EYS: variants seen among roughly 807,000 people sequenced by gnomAD.
The protein encoded by EYS is EGF-like photoreceptor maintenance factor, also known as protein eyes shut homolog.
A neutral mutation model predicts 282.1 loss-of-function variants in EYS; 250 were observed. The ratio of observed to expected loss-of-function variants is 0.89; its 90% CI spans 0.80 to 0.98. The LOEUF (loss-of-function observed/expected upper bound fraction) is 0.98, where lower values mean the gene tolerates loss of function less well. Ranked by LOEUF, EYS falls within the 50% of genes least tolerant of loss-of-function variation. The pLI, the probability that EYS is intolerant of heterozygous loss-of-function variation, is 0.00. For synonymous variants in EYS, 1,355 were observed against 1,282.9 expected (o/e 1.06, Z -1.20); for missense variants, 4,016 against 3,709.0 (o/e 1.08, Z -2.15).
intron 26 of EYS, among the ~76,000 whole-genome samples, chr6:64,516,429 C>T (rs1856157): frequency 0.35 from 53,300 of 151,362 alleles, 9,391 homozygotes; most frequent in East Asian, 0.46. Context: ...AAATCTGCAC[C>T]TGTACCCCTG....
chr6:64,978,069 A>G (rs192027515), intron 14 of EYS, among the ~76,000 whole-genome samples: 10 of 152,134 alleles, frequency 6.6e-5, no homozygotes, highest in Middle Eastern at 6.8e-3. Flanking sequence ...AGGTGACTAC[A>G]CTAAACAACA....
chr6:64,792,552 A>G (rs984704393), intron 22 of EYS, among the ~76,000 whole-genome samples: 2 of 152,104 alleles, frequency 1.3e-5, no homozygotes, highest in African/African-American at 2.4e-5. Context: ...ATTAATTTGG[A>G]GTTCTAATAT....
intron 12 of EYS, among the ~76,000 whole-genome samples, chr6:65,276,962 G>A (rs1279592668): frequency 6.6e-6 from 1 of 152,108 alleles, no homozygotes; most frequent in Non-Finnish European, 1.5e-5. Context: ...ATATAACAAA[G>A]TATTGAAGTA....
intron 24 of EYS, among the ~76,000 whole-genome samples, chr6:64,606,801 G>T (rs920153373): frequency 1.3e-5 from 2 of 152,012 alleles, no homozygotes; most frequent in Non-Finnish European, 2.9e-5. Flanking sequence ...AAGTGCAAAT[G>T]ACATGAAAAC....
intron 12 of EYS, among the ~76,000 whole-genome samples, chr6:65,142,006 A>C (rs193281996): frequency 6.6e-6 from 1 of 152,210 alleles, no homozygotes; most frequent in Admixed American, 6.6e-5. Context: ...CAATATGCAG[A>C]GCAAACATGT....
chr6:64,858,905 CT>C, intron 19 of EYS, among the ~76,000 whole-genome samples: 1 of 152,152 alleles, frequency 6.6e-6, no homozygotes, highest in African/African-American at 2.4e-5. Flanking sequence ...ATGTTGAAAG[CT>C]TTTTCTCTAA....
At chr6:64,526,157 G>A (rs1395304739) in intron 26 of EYS, among the ~76,000 whole-genome samples, 1 of 151,794 alleles carries the variant, frequency 6.6e-6, no homozygotes, top group Non-Finnish European at 1.5e-5. Context: ...ATCGAGAACA[G>A]AATAGTGATT....
At chr6:65,187,765 G>C (rs1765547748) in intron 12 of EYS, among the ~76,000 whole-genome samples, 1 of 151,596 alleles carries the variant, frequency 6.6e-6, no homozygotes, top group Non-Finnish European at 1.5e-5. Context: ...ATTCAAACTT[G>C]AGAAAAAGTT....
rs530721021 is a variant in EYS at position 65,116,359 on chromosome 6, G to A, written c.2024-58632C>T. Among the ~76,000 whole-genome samples the A allele has an allele frequency of 4.6e-4, 70 of 152,066 alleles. 1 individual carries two copies. Among genetic ancestry groups the A allele is most frequent in the Non-Finnish European group, 5.4e-4 (37 of 68,018 alleles). On this transcript the variant is annotated intron_variant, in intron 12 of 42. Coordinates refer to ENST00000503581, the MANE Select transcript of EYS (RefSeq NM_001142800.2). The stretch of plus-strand genomic sequence containing the variant: ...TTCCCCATAGTACTCTGGAAAGTGA[G>A]GCATGGATGCATGATTCATGGAGGG...
intron 31 of EYS, among the ~76,000 whole-genome samples, chr6:64,211,327 G>A (rs1325619555): frequency 6.6e-6 from 1 of 152,076 alleles, no homozygotes; most frequent in East Asian, 1.9e-4. Flanking sequence ...TAATCTGAAG[G>A]ATCAAAAGAC....
rs775270768 is a variant in EYS, at chr6:64,593,162, C to T, written c.3832G>A (p.Ala1278Thr). Residue 1278 changes from alanine to threonine, a missense_variant, in exon 25 of 43, where the codon GCT becomes ACT. Transcript: ENST00000503581. ...TCCATTATGGCTGGTATTCTAGTAG[C>T]CTTTATAGATGGAAAGCTGCTGACC... ...TLVSSFPSIKATRIPAIMDTY... is the reference protein window; with the variant it reads ...TLVSSFPSIKTTRIPAIMDTY... The T allele has an allele frequency of 6.5e-7, 1 of 1,547,446 alleles. No homozygotes were observed. Among genetic ancestry groups the T allele is most frequent in the South Asian group, 1.2e-5 (1 of 83,298 alleles).
At chr6:65,587,362 G>A (rs958313893) in intron 2 of EYS, among the ~76,000 whole-genome samples, 1 of 152,088 alleles carries the variant, frequency 6.6e-6, no homozygotes, top group Non-Finnish European at 1.5e-5. Flanking sequence ...TATCGTGAGA[G>A]GGACCCCATG....
intron 5 of EYS, among the ~76,000 whole-genome samples, chr6:65,412,174 C>A (rs974057634): frequency 1.3e-5 from 2 of 152,088 alleles, no homozygotes; most frequent in Non-Finnish European, 2.9e-5. Flanking sequence ...CCTTACCAGG[C>A]AACAGATCTT....
chr6:64,853,510 T>A (rs1765952257), intron 19 of EYS, among the ~76,000 whole-genome samples: 1 of 152,160 alleles, frequency 6.6e-6, no homozygotes, highest in Admixed American at 6.6e-5. Context: ...ATTTTGCAAG[T>A]ACAAACTTTA....
At chr6:64,160,404 A>G (rs1009366896) in intron 31 of EYS, among the ~76,000 whole-genome samples, 3 of 152,176 alleles carry the variant, frequency 2.0e-5, no homozygotes, top group Non-Finnish European at 4.4e-5. Flanking sequence ...ATCGATTCCT[A>G]TTGAACACCA....
chr6:64,594,904 T>C lies in EYS; in HGVS notation c.3685-1595A>G, dbSNP rs541826316. On this transcript the variant is annotated intron_variant, in intron 24 of 42. Coordinates refer to ENST00000503581, the MANE Select transcript of EYS (RefSeq NM_001142800.2). ...GAACTAACACCAATTCTTCTCAAGCTATTACAAAACATTGAAGAGGAGGAA... is the reference window on the plus strand; with the variant it reads ...GAACTAACACCAATTCTTCTCAAGCCATTACAAAACATTGAAGAGGAGGAA... 8.6e-4 allele frequency among the ~76,000 whole-genome samples: 131 copies of C among 151,932 alleles called. 1 individual carries two copies. The highest frequency in any genetic ancestry group is 3.0e-3 in the African/African-American group (126 of 41,474).
intron 19 of EYS, among the ~76,000 whole-genome samples, chr6:64,848,672 G>A (rs149752607): frequency 2.0e-5 from 3 of 152,212 alleles, no homozygotes; most frequent in African/African-American, 4.8e-5. Flanking sequence ...CTGAACAAGC[G>A]AATGCAGCTG....
intron 8 of EYS, among the ~76,000 whole-genome samples, chr6:65,373,609 A>G (rs1386140720): frequency 2.0e-5 from 3 of 152,136 alleles, no homozygotes; most frequent in Non-Finnish European, 4.4e-5. Flanking sequence ...ACCAAATAAT[A>G]GAATGATACA....
At chr6:65,464,147 A>C (rs1764915123) in intron 5 of EYS, among the ~76,000 whole-genome samples, 1 of 152,180 alleles carries the variant, frequency 6.6e-6, no homozygotes. Flanking sequence ...CGCGGTCCCC[A>C]GTTAATGCAG....
Sources: gnomAD v4.1 joint callset for allele counts (sites outside exome capture counted in the v4.1 genomes callset) on GRCh38, gnomAD v4.1.1 for gene constraint, MANE v1.5 for transcripts, NCBI Gene and HGNC (gene_info 2026-07-23, HGNC 2026-07-21) for gene names.